Variants in GMDS observed in about 807,000 individuals in gnomAD.
GMDS encodes GDP-mannose 4,6-dehydratase, also known as GDP-mannose 4,6 dehydratase.
GMDS carries 20 observed loss-of-function variants against 49.9 expected under a neutral mutation model. That is an observed-to-expected ratio of 0.40 (90% CI 0.28 to 0.58). The LOEUF is 0.58. Among genes scored for constraint, GMDS ranks in the 20% least tolerant of loss-of-function variants. The probability of loss-of-function intolerance (pLI) is 0.42; values close to 1 mark genes in which losing one functional copy is unlikely to be tolerated. For synonymous variants in GMDS, 177 were observed against 178.6 expected, an observed-to-expected ratio of 0.99 and a Z score of 0.07; for missense variants, 362 against 481.4, an observed-to-expected ratio of 0.75 and a Z score of 2.32.
intron 7 of GMDS, among the ~76,000 whole-genome samples, chr6:1,901,867 A>C (rs1319285375): frequency 6.6e-6 from 1 of 152,210 alleles, no homozygotes; most frequent in East Asian, 1.9e-4. Context: ...GGAAACACAT[A>C]AACAATAAGT....
rs1336288622 is a variant in GMDS, at chr6:1,960,930, C to T, written c.382G>A (p.Asp128Asn). 6.3e-7 allele frequency: 1 copy of T among 1,593,868 alleles called. No homozygotes were observed. Among genetic ancestry groups the T allele is most frequent in the South Asian group, 1.1e-5 (1 of 89,152 alleles). The change falls in exon 5 of 11, where the codon GAC becomes AAC. Residue 128 changes from aspartate to asparagine, a missense_variant. Coordinates refer to ENST00000380815, the MANE Select transcript of GMDS (RefSeq NM_001500.4). ...FDLAEYTADVDGVGTLRLLDA... is the reference protein window; with the variant it reads ...FDLAEYTADVNGVGTLRLLDA... ...AGAAGTCGTAGAGTGCCAACTCCGTCAACGTCCGCAGTGTACTCAGCGAGG... is the reference window on the plus strand; with the variant it reads ...AGAAGTCGTAGAGTGCCAACTCCGTTAACGTCCGCAGTGTACTCAGCGAGG...
intron 1 of GMDS, among the ~76,000 whole-genome samples, chr6:2,152,911 G>A (rs1776910867): frequency 6.6e-6 from 1 of 152,068 alleles, no homozygotes; most frequent in Non-Finnish European, 1.5e-5. Context: ...CAGGAATGTA[G>A]TATAAGATAA....
At chr6:1,652,386 T>TATATATA (rs1763682778) in intron 9 of GMDS, among the ~76,000 whole-genome samples, 1 of 6,556 alleles carries the variant, frequency 1.5e-4, no homozygotes, top group African/African-American at 3.8e-4. Context: ...AAAAAATATA[T>TATATATA]ATATATTATA....
chr6:2,035,226 G>A (rs1452202784), intron 4 of GMDS, among the ~76,000 whole-genome samples: 1 of 152,166 alleles, frequency 6.6e-6, no homozygotes, highest in Non-Finnish European at 1.5e-5. Context: ...TATGAAAGGT[G>A]TTAATCATTA....
chr6:1,633,573 G>A (rs368760232), intron 9 of GMDS, among the ~76,000 whole-genome samples: 4 of 152,136 alleles, frequency 2.6e-5, no homozygotes, highest in East Asian at 3.8e-4. Flanking sequence ...CTGGCTGGGC[G>A]GGGAAGGCCT....
intron 7 of GMDS, among the ~76,000 whole-genome samples, chr6:1,763,824 G>C (rs915200330): frequency 1.3e-5 from 2 of 152,194 alleles, no homozygotes; most frequent in African/African-American, 4.8e-5. Flanking sequence ...GACCACTAGT[G>C]AAAGTAGTGA....
At position 1,675,000 on chromosome 6, in the gene GMDS, C is replaced by T. The variant is rs546712029; in HGVS notation, c.988-50460G>A. Among the ~76,000 whole-genome samples the T allele has an allele frequency of 3.3e-5, 5 of 151,980 alleles. No homozygotes were observed. In the South Asian group the frequency reaches 6.2e-4, roughly 19 times the overall value. ...TTGCCCAGGCTGGAGTGCAATGATG[C>T]GATCTCGGCTCACTGCAACCTCCAC... On this transcript the variant is annotated intron_variant, in intron 9 of 10. Transcript: ENST00000380815.
chr6:1,913,273 C>T (rs995017676), intron 7 of GMDS, among the ~76,000 whole-genome samples: 9 of 149,878 alleles, frequency 6.0e-5, no homozygotes, highest in South Asian at 2.1e-4. Context: ...CCCAGCTACT[C>T]GGGAGGCTGA....
intron 9 of GMDS, among the ~76,000 whole-genome samples, chr6:1,678,871 CCAG>C (rs1764701836): frequency 6.6e-6 from 1 of 152,126 alleles, no homozygotes; most frequent in South Asian, 2.1e-4. Context: ...GGAACACAGA[CCAG>C]TCAGCTGTAT....
At chr6:2,032,308 A>G (rs768409636) in intron 4 of GMDS, among the ~76,000 whole-genome samples, 5 of 152,198 alleles carry the variant, frequency 3.3e-5, no homozygotes, top group Non-Finnish European at 7.3e-5. Context: ...CTTAAGAGAC[A>G]ATAAATCAAA....
intron 2 of GMDS, among the ~76,000 whole-genome samples, chr6:2,124,034 G>A (rs951034324): frequency 6.9e-6 from 1 of 144,828 alleles, no homozygotes; most frequent in Admixed American, 6.7e-5. Context: ...ACGGGCCACT[G>A]TAAAGGTTTT....
chr6:1,925,112 G>T lies in GMDS; in HGVS notation c.771+4991C>A, dbSNP rs143680895. On this transcript the variant is annotated intron_variant, in intron 7 of 10. Coordinates refer to ENST00000380815, the MANE Select transcript of GMDS (RefSeq NM_001500.4). ...TGTTCAAAATGCAACAGTAATTGTA[G>T]ACATTAATTACAGAATCTGGGTGGT... is the stretch of plus-strand genomic sequence containing the variant. Among the ~76,000 whole-genome samples the T allele has an allele frequency of 1.3e-4, 20 of 152,236 alleles. No homozygotes were observed. The East Asian group carries it at 3.9e-3, about 29-fold the overall frequency.
chr6:1,797,433 A>T (rs1165875750), intron 7 of GMDS, among the ~76,000 whole-genome samples: 1 of 152,228 alleles, frequency 6.6e-6, no homozygotes, highest in Non-Finnish European at 1.5e-5. Flanking sequence ...GTGTCCACCT[A>T]TGCTGACTTT....
chr6:2,118,111 T>C (rs750454252), intron 2 of GMDS, among the ~76,000 whole-genome samples: 1 of 151,858 alleles, frequency 6.6e-6, no homozygotes, highest in Non-Finnish European at 1.5e-5. Flanking sequence ...AGCACTTATG[T>C]ACTACTCGAT....
At chr6:1,818,549 A>G (rs1770762070) in intron 7 of GMDS, among the ~76,000 whole-genome samples, 1 of 150,144 alleles carries the variant, frequency 6.7e-6, no homozygotes, top group Non-Finnish European at 1.5e-5. Context: ...CGGAGGTTAC[A>G]GTGAGCCGAG....
intron 9 of GMDS, among the ~76,000 whole-genome samples, chr6:1,644,101 C>CCG (rs1763415612): frequency 6.6e-6 from 1 of 152,200 alleles, no homozygotes; most frequent in South Asian, 2.1e-4. Flanking sequence ...CAAGGAACCC[C>CCG]CGGTCTGAGG....
intron 1 of GMDS, among the ~76,000 whole-genome samples, chr6:2,127,150 G>A (rs534504756): frequency 3.3e-5 from 5 of 152,042 alleles, no homozygotes; most frequent in South Asian, 2.1e-4. Flanking sequence ...AAGCCAAGTC[G>A]GGCTACACAA....
At chr6:1,807,779 G>A (rs1473449608) in intron 7 of GMDS, among the ~76,000 whole-genome samples, 1 of 152,090 alleles carries the variant, frequency 6.6e-6, no homozygotes, top group Admixed American at 6.6e-5. Flanking sequence ...AAATGTGAAA[G>A]CCACAACTAT....
chr6:1,877,537 T>C (rs1759134032), intron 7 of GMDS, among the ~76,000 whole-genome samples: 1 of 150,548 alleles, frequency 6.6e-6, no homozygotes, highest in African/African-American at 2.4e-5. Flanking sequence ...ACTCGGGAAG[T>C]TGAGGAGGGA....
Sources: allele counts gnomAD v4.1 joint callset (sites outside exome capture counted in the v4.1 genomes callset), GRCh38; gene constraint gnomAD v4.1.1; transcripts MANE v1.5; gene names NCBI Gene and HGNC (gene_info 2026-07-23, HGNC 2026-07-21).